Variants in PRMT8 observed in about 807,000 individuals in gnomAD.
PRMT8 encodes the protein protein arginine N-methyltransferase 8.
Under a neutral mutation model 47.1 loss-of-function variants are expected in PRMT8, and 7 were observed. The observed-to-expected ratio is 0.15, with a 90% CI of 0.08 to 0.28. The LOEUF is 0.28. PRMT8 is among the 10% of genes least tolerant of loss of function. The probability of loss-of-function intolerance (pLI) is 1.00; values close to 1 mark genes in which losing one functional copy is unlikely to be tolerated. For synonymous variants in PRMT8, 188 were observed against 186.5 expected (o/e 1.01, Z -0.07); for missense variants, 237 against 505.4 (o/e 0.47, Z 5.09).
upstream of PRMT8, among the ~76,000 whole-genome samples, chr12:3,490,675 AAGAGAGAGAG>A (rs370069857): frequency 0.042 from 5,030 of 121,100 alleles, 120 homozygotes; most frequent in East Asian, 0.074. Context: ...TTTGGGTACA[AAGAGAGAGAG>A]AGAGAGAGAG....
At chr12:3,542,079 A>G (rs1363217243) in intron 2 of PRMT8, among the ~76,000 whole-genome samples, 1 of 152,226 alleles carries the variant, frequency 6.6e-6, no homozygotes, top group Non-Finnish European at 1.5e-5. Flanking sequence ...TGTAAAAATT[A>G]AATTGCCATA....
chr12:3,420,369 A>T (rs1864528682), intron 1 of PRMT8, among the ~76,000 whole-genome samples: 1 of 152,170 alleles, frequency 6.6e-6, no homozygotes, highest in Admixed American at 6.5e-5. Flanking sequence ...ATAATAGCTG[A>T]CCTGCTGTGC....
In PRMT8 at chr12:3,550,261, GC is replaced by G; in HGVS notation, c.417+172del. The G allele has an allele frequency of 1.3e-6, 1 of 745,808 alleles. No individual in the cohort carries two copies. The highest frequency in any genetic ancestry group is 2.1e-6 in the Non-Finnish European group (1 of 467,342). 46.2% of individuals were successfully genotyped at this position (745,808 alleles called of 1,614,324 possible). On this transcript the variant is annotated intron_variant, in intron 3 of 9. Coordinates refer to ENST00000382622, the MANE Select transcript of PRMT8 (RefSeq NM_019854.5). This position sits in a 1 kb window ranked among gnomAD's most constrained non-coding sequence, Gnocchi z 5.1. ...TGACTCTCAGGAAGGGGAGCAGGCT[GC>G]CTGTCCCCTGTGCATGGCTCCTGGA...
intron 1 of PRMT8, among the ~76,000 whole-genome samples, chr12:3,529,946 T>C (rs1022874440): frequency 6.6e-6 from 1 of 152,160 alleles, no homozygotes; most frequent in East Asian, 1.9e-4. Context: ...TTGGAAAATG[T>C]CTAACAAATA....
intron 1 of PRMT8, among the ~76,000 whole-genome samples, chr12:3,437,470 T>G (rs1174062990): frequency 6.6e-6 from 1 of 151,890 alleles, no homozygotes; most frequent in African/African-American, 2.4e-5. Context: ...ATCCCCCGGG[T>G]AAAAAGCATA....
At chr12:3,428,529 C>T (rs1864632284) in intron 1 of PRMT8, among the ~76,000 whole-genome samples, 1 of 152,172 alleles carries the variant, frequency 6.6e-6, no homozygotes. Flanking sequence ...AGGCTATGCC[C>T]TTGTTTACAC....
At chr12:3,385,275 A>T (rs1282113340) in intron 1 of PRMT8, among the ~76,000 whole-genome samples, 1 of 152,240 alleles carries the variant, frequency 6.6e-6, no homozygotes, top group Non-Finnish European at 1.5e-5. Flanking sequence ...AGATTAAGGA[A>T]GTTGCCCAAG....
chr12:3,479,536 C>G (rs1221785754), intron 1 of PRMT8, among the ~76,000 whole-genome samples: 1 of 152,112 alleles, frequency 6.6e-6, no homozygotes, highest in Non-Finnish European at 1.5e-5. Context: ...GAATTTGAAC[C>G]AGTTTCCTCA....
At chr12:3,483,580 G>A (rs747462587) in intron 1 of PRMT8, among the ~76,000 whole-genome samples, 2 of 152,158 alleles carry the variant, frequency 1.3e-5, no homozygotes, top group African/African-American at 2.4e-5. Context: ...AGAGTAGATT[G>A]TGTCTGGTAA....
upstream of PRMT8, among the ~76,000 whole-genome samples, chr12:3,486,751 T>G (rs1054927680): frequency 3.3e-5 from 5 of 152,142 alleles, no homozygotes; most frequent in Admixed American, 2.6e-4. Context: ...AACAGCAGGA[T>G]TAAGCTATAA....
chr12:3,540,871 T>G, intron 2 of PRMT8, 80 bp downstream of exon 2: 1 of 1,425,864 alleles, frequency 7.0e-7, no homozygotes, highest in Non-Finnish European at 9.7e-7. Flanking sequence ...CATAGTGTGT[T>G]CAACTCCTTA....
At chr12:3,398,057 G>C (rs539352684) in intron 1 of PRMT8, among the ~76,000 whole-genome samples, 1 of 152,322 alleles carries the variant, frequency 6.6e-6, no homozygotes, top group South Asian at 2.1e-4. Flanking sequence ...GCCTCGCCCT[G>C]CTTCGGCTCG....
chr12:3,473,416 T>C (rs994902589), intron 1 of PRMT8, among the ~76,000 whole-genome samples: 14 of 152,180 alleles, frequency 9.2e-5, no homozygotes, highest in Non-Finnish European at 5.9e-5. Flanking sequence ...CTCCTCTGCC[T>C]CTCTAGCTGG....
intron 1 of PRMT8, among the ~76,000 whole-genome samples, chr12:3,527,874 A>G (rs549523873): frequency 3.3e-5 from 5 of 152,284 alleles, no homozygotes; most frequent in Admixed American, 6.5e-5. Context: ...AAAAGACTTT[A>G]CTTTACCGTC....
At chr12:3,522,660 A>C (rs935385621) in intron 1 of PRMT8, among the ~76,000 whole-genome samples, 3 of 151,630 alleles carry the variant, frequency 2.0e-5, no homozygotes, top group African/African-American at 4.8e-5. Context: ...AAAAAAAAAA[A>C]AAAAAAAACA....
At chr12:3,461,123 A>G (rs1231393879) in intron 1 of PRMT8, among the ~76,000 whole-genome samples, 1 of 152,066 alleles carries the variant, frequency 6.6e-6, no homozygotes, top group Non-Finnish European at 1.5e-5. Context: ...TTTCTTAGAT[A>G]CCTCCTCTGT....
chr12:3,487,553 T>C (rs992075382), upstream of PRMT8, among the ~76,000 whole-genome samples: 1 of 152,180 alleles, frequency 6.6e-6, no homozygotes, highest in Non-Finnish European at 1.5e-5. Context: ...TGCTCAACCT[T>C]CTGGCGTTTG....
Position 3,583,020 on chromosome 12 carries a change from CGA to C in PRMT8, c.829-37_829-36del, listed in dbSNP as rs1867100554. 1.3e-6 allele frequency: 2 copies of C among 1,597,454 alleles called. No individual in the cohort carries two copies. Among genetic ancestry groups the C allele is most frequent in the Admixed American group, 3.4e-5 (2 of 58,840 alleles). On this transcript the variant is annotated intron_variant, in intron 7 of 9. Coordinates refer to ENST00000382622, the MANE Select transcript of PRMT8 (RefSeq NM_019854.5). This position sits in a 1 kb window ranked among gnomAD's most constrained non-coding sequence, Gnocchi z 4.7. The stretch of plus-strand genomic sequence containing the variant: ...GACCGGGACCCAGACTTGGTGGAGG[CGA>C]TAAGTTCCCGGCATTCTCTCTTCTC...
intron 4 of PRMT8, among the ~76,000 whole-genome samples, chr12:3,556,506 T>C (rs886092645): frequency 9.9e-5 from 15 of 152,038 alleles, no homozygotes; most frequent in Non-Finnish European, 1.5e-5. Context: ...TTTGGCCACA[T>C]GGAGGTTACC....
Sources: allele counts gnomAD v4.1 joint callset (sites outside exome capture counted in the v4.1 genomes callset), GRCh38; gene constraint gnomAD v4.1.1; non-coding constraint Gnocchi (gnomAD v3.1); transcripts MANE v1.5; gene names NCBI Gene and HGNC (gene_info 2026-07-23, HGNC 2026-07-21).